Variants in MMP26 observed in about 807,000 individuals in gnomAD.
MMP26 encodes matrix metalloproteinase-26.
In MMP26, 33 loss-of-function variants were observed where a neutral mutation model predicts 31.0. That is an observed-to-expected ratio of 1.06 (90% CI 0.81 to 1.42). The LOEUF (loss-of-function observed/expected upper bound fraction) is 1.42. MMP26 is among the 40% of genes most tolerant of loss of function. The pLI, the probability that MMP26 is intolerant of heterozygous loss-of-function variation, is 0.00. For missense variants in MMP26, 347 were observed against 316.1 expected, an observed-to-expected ratio of 1.10 and a Z score of -0.74; for synonymous variants, 122 against 114.9, an observed-to-expected ratio of 1.06 and a Z score of -0.40.
intron 1 of MMP26, among the ~76,000 whole-genome samples, chr11:4,729,544 G>A (rs746443237): frequency 6.6e-6 from 1 of 152,088 alleles, no homozygotes; most frequent in Admixed American, 6.5e-5. Context: ...ACTAGAATAC[G>A]GTTAACATGG....
chr11:4,977,697 G>A (rs968790528), intron 2 of MMP26, among the ~76,000 whole-genome samples: 6 of 151,820 alleles, frequency 4.0e-5, no homozygotes, highest in Non-Finnish European at 5.9e-5. Flanking sequence ...GGCCTTTTTT[G>A]TCCATTCAGA....
At chr11:4,795,821 GGAGA>G (rs1369994601) in intron 2 of MMP26, among the ~76,000 whole-genome samples, 2 of 146,404 alleles carry the variant, frequency 1.4e-5, no homozygotes, top group Non-Finnish European at 3.0e-5. Context: ...AAGGGGACAG[GGAGA>G]GAGAAAGAGA....
At chr11:4,984,165 G>A (rs1458878408) in intron 2 of MMP26, among the ~76,000 whole-genome samples, 2 of 152,070 alleles carry the variant, frequency 1.3e-5, no homozygotes, top group Admixed American at 6.5e-5. Flanking sequence ...GATGAAAGAC[G>A]GGGCAGTCTC....
chr11:4,742,321 G>C (rs772293202), intron 1 of MMP26, among the ~76,000 whole-genome samples: 1 of 152,134 alleles, frequency 6.6e-6, no homozygotes, highest in Non-Finnish European at 1.5e-5. Context: ...GGAATGCTAC[G>C]ACAGCACATA....
At chr11:4,795,385 G>T (rs1009875957) in intron 2 of MMP26, 7 of 152,132 alleles carry the variant, frequency 4.6e-5, no homozygotes, top group Non-Finnish European at 7.3e-5. Context: ...CCTCTGAAGA[G>T]ACCAACCAAG....
intron 2 of MMP26, chr11:4,859,489 C>T (rs371634765): frequency 2.9e-4 from 102 of 356,232 alleles, no homozygotes; most frequent in African/African-American, 2.0e-3. Context: ...CACCCACAAG[C>T]CTTACCCACT....
intron 2 of MMP26, among the ~76,000 whole-genome samples, chr11:4,805,710 C>G (rs923676813): frequency 4.6e-5 from 7 of 152,168 alleles, no homozygotes; most frequent in Non-Finnish European, 7.3e-5. Context: ...TAACAATATT[C>G]TAAATACCCA....
At chr11:4,925,607 G>A (rs538036357) in intron 2 of MMP26, among the ~76,000 whole-genome samples, 1 of 152,142 alleles carries the variant, frequency 6.6e-6, no homozygotes, top group South Asian at 2.1e-4. Flanking sequence ...GAGATGAATG[G>A]TGAAAAGGAA....
At chr11:4,725,094 C>CT (rs2133278726) in intron 1 of MMP26, among the ~76,000 whole-genome samples, 1 of 152,292 alleles carries the variant, frequency 6.6e-6, no homozygotes, top group East Asian at 1.9e-4. Flanking sequence ...CCCCTTGCTC[C>CT]TTCTTCAGCC....
intron 2 of MMP26, among the ~76,000 whole-genome samples, chr11:4,974,870 C>G (rs970423311): frequency 6.6e-6 from 1 of 152,016 alleles, no homozygotes; most frequent in Non-Finnish European, 1.5e-5. Flanking sequence ...AACCAAACAC[C>G]GCATGTTCTC....
At chr11:4,978,014 T>C (rs1186534301) in intron 2 of MMP26, among the ~76,000 whole-genome samples, 1 of 151,994 alleles carries the variant, frequency 6.6e-6, no homozygotes, top group African/African-American at 2.4e-5. Flanking sequence ...CCCCATGTTG[T>C]TTTTATGATA....
chr11:4,899,246 T>C (rs1370249788), intron 2 of MMP26, among the ~76,000 whole-genome samples: 5 of 152,182 alleles, frequency 3.3e-5, no homozygotes, highest in Non-Finnish European at 7.3e-5. Flanking sequence ...TTTATTGCAG[T>C]CTACTCTTGT....
chr11:4,710,653 AT>A (rs1847849393), intron 1 of MMP26: 1 of 350,824 alleles, frequency 2.9e-6, no homozygotes, highest in Non-Finnish European at 5.6e-6. Context: ...CTAACTTACC[AT>A]TTACACAGTT....
At chr11:4,804,796 C>A (rs188657958) in intron 2 of MMP26, among the ~76,000 whole-genome samples, 18,389 of 142,090 alleles carry the variant, frequency 0.13, 1,304 homozygotes, top group Middle Eastern at 0.18. Flanking sequence ...AATACAAAAA[C>A]AAAACAAAAC....
At chr11:4,831,957 G>A (rs1381144464) in intron 2 of MMP26, 6 of 152,234 alleles carry the variant, frequency 3.9e-5, no homozygotes, top group Non-Finnish European at 2.9e-5. Flanking sequence ...ATTTTCCATT[G>A]TTTTCTTTAC....
chr11:4,841,736 C>A (rs919806282), intron 2 of MMP26, among the ~76,000 whole-genome samples: 1 of 152,158 alleles, frequency 6.6e-6, no homozygotes, highest in African/African-American at 2.4e-5. Context: ...AGTTCGAGAC[C>A]AGTCTGACCA....
intron 2 of MMP26, chr11:4,849,084 A>T: frequency 1.2e-6 from 2 of 1,614,082 alleles, no homozygotes; most frequent in Non-Finnish European, 8.5e-7. Context: ...GAGAAGGTAG[A>T]CAGCAATGAG....
intron 2 of MMP26, chr11:4,923,598 A>G (rs200468556): frequency 6.2e-7 from 1 of 1,614,164 alleles, no homozygotes; most frequent in Non-Finnish European, 8.5e-7. Context: ...AGTACAGCAC[A>G]GATATGAGAG....
intron 2 of MMP26, chr11:4,877,669 C>T (rs1397847295): frequency 6.6e-6 from 1 of 152,052 alleles, no homozygotes; most frequent in Non-Finnish European, 1.5e-5. Context: ...TTTGCTAGTG[C>T]AAGCTGAGGA....
Sources: gnomAD v4.1 joint callset for allele counts (sites outside exome capture counted in the v4.1 genomes callset) on GRCh38, gnomAD v4.1.1 for gene constraint, MANE v1.5 for transcripts, NCBI Gene and HGNC (gene_info 2026-07-23, HGNC 2026-07-21) for gene names.